The following MSRA variants were observed in gnomAD, a reference collection of about 807,000 sequenced individuals.
MSRA encodes the protein mitochondrial peptide methionine sulfoxide reductase.
A neutral mutation model predicts 31.3 loss-of-function variants in MSRA; 54 were observed. That is an observed-to-expected ratio of 1.73 (90% CI 1.39 to 2.17). The LOEUF (loss-of-function observed/expected upper bound fraction) is 2.17, where lower values mean the gene tolerates loss of function less well. Ranked by LOEUF, MSRA falls within the 30% of genes most tolerant of loss-of-function variation. The pLI is 0.00. For synonymous variants in MSRA, 169 were observed against 116.5 expected (o/e 1.45, Z -2.90); for missense variants, 507 against 300.9 (o/e 1.69, Z -5.07).
intron 1 of MSRA, among the ~76,000 whole-genome samples, chr8:10,114,351 G>A (rs577557021): frequency 1.3e-5 from 2 of 152,182 alleles, no homozygotes; most frequent in African/African-American, 2.4e-5. Context: ...GGGGCCAGAC[G>A]TAAGAGTGGA....
chr8:10,222,243 G>T (rs1810579437), intron 2 of MSRA, among the ~76,000 whole-genome samples: 1 of 152,064 alleles, frequency 6.6e-6, no homozygotes, highest in Non-Finnish European at 1.5e-5. Context: ...AAAAGCTTTA[G>T]GCCTTTATAG....
intron 5 of MSRA, among the ~76,000 whole-genome samples, chr8:10,374,410 C>T (rs1239979688): frequency 1.3e-5 from 2 of 152,112 alleles, no homozygotes; most frequent in African/African-American, 2.4e-5. Context: ...CCTAGCACAT[C>T]CTGCAGGCTA....
intron 5 of MSRA, among the ~76,000 whole-genome samples, chr8:10,344,600 A>AT (rs1177227593): frequency 1.4e-5 from 2 of 147,688 alleles, no homozygotes; most frequent in African/African-American, 4.9e-5. Context: ...AAAAAAAAAA[A>AT]AAAGCCAGCC....
At chr8:10,252,557 G>C (rs369018196) in intron 3 of MSRA, among the ~76,000 whole-genome samples, 1 of 152,130 alleles carries the variant, frequency 6.6e-6, no homozygotes, top group Non-Finnish European at 1.5e-5. Flanking sequence ...CAGGACTTAG[G>C]ACTAAGAAAG....
chr8:10,399,937 G>A (rs185651105), intron 5 of MSRA, among the ~76,000 whole-genome samples: 221 of 152,266 alleles, frequency 1.5e-3, no homozygotes, highest in African/African-American at 4.9e-3. Context: ...TGTTGGAGCC[G>A]CTTTGGAAGA....
chr8:10,385,338 G>A (rs1563419599), intron 5 of MSRA, among the ~76,000 whole-genome samples: 1 of 152,320 alleles, frequency 6.6e-6, no homozygotes, highest in South Asian at 2.1e-4. Flanking sequence ...ATTGGACAAC[G>A]CAGGGACAAA....
chr8:10,402,018 G>C (rs11785061), intron 5 of MSRA, among the ~76,000 whole-genome samples: 44,027 of 152,054 alleles, frequency 0.29, 7,199 homozygotes, highest in Non-Finnish European at 0.37. Context: ...GCATTTAATT[G>C]TATACTTACA....
At chr8:10,258,168 C>T (rs1798281597) in intron 3 of MSRA, among the ~76,000 whole-genome samples, 1 of 152,034 alleles carries the variant, frequency 6.6e-6, no homozygotes, top group African/African-American at 2.4e-5. Flanking sequence ...TTGTGTAAAC[C>T]CCCATAATTA....
intron 5 of MSRA, among the ~76,000 whole-genome samples, chr8:10,364,810 C>T (rs1373136499): frequency 2.6e-5 from 4 of 152,158 alleles, no homozygotes; most frequent in Non-Finnish European, 5.9e-5. Context: ...TACCACCCTC[C>T]GACTTTGTTT....
chr8:10,421,065 G>A (rs1362669483), intron 5 of MSRA, among the ~76,000 whole-genome samples: 1 of 152,070 alleles, frequency 6.6e-6, no homozygotes, highest in African/African-American at 2.4e-5. Flanking sequence ...TTTGAGTCCC[G>A]GGGATGTGAG....
intron 5 of MSRA, among the ~76,000 whole-genome samples, chr8:10,419,941 G>A (rs1808710991): frequency 6.6e-6 from 1 of 152,200 alleles, no homozygotes. Flanking sequence ...CTGTAGAGGA[G>A]CACAGGGTCA....
intron 5 of MSRA, among the ~76,000 whole-genome samples, chr8:10,347,891 G>T (rs1257260920): frequency 6.6e-6 from 1 of 152,164 alleles, no homozygotes; most frequent in African/African-American, 2.4e-5. Flanking sequence ...CTTGTCTCCA[G>T]TGGCAGTTAT....
At chr8:10,202,295 A>T (rs1563213224) in intron 1 of MSRA, among the ~76,000 whole-genome samples, 1 of 152,196 alleles carries the variant, frequency 6.6e-6, no homozygotes, top group Non-Finnish European at 1.5e-5. Flanking sequence ...GGTTTCTAGG[A>T]ATAGAGCTGG....
At chr8:10,226,647 A>G (rs1247585073) in intron 2 of MSRA, among the ~76,000 whole-genome samples, 4 of 152,232 alleles carry the variant, frequency 2.6e-5, no homozygotes, top group Non-Finnish European at 4.4e-5. Context: ...GAAAATTACT[A>G]AAGGATGCCT....
At chr8:10,278,882 G>C (rs1799467197) in intron 3 of MSRA, among the ~76,000 whole-genome samples, 1 of 152,186 alleles carries the variant, frequency 6.6e-6, no homozygotes, top group African/African-American at 2.4e-5. Flanking sequence ...GTCTTTCAAA[G>C]ATTTTTGGAG....
chr8:10,173,788 A>G (rs1274004795), intron 1 of MSRA, among the ~76,000 whole-genome samples: 1 of 152,154 alleles, frequency 6.6e-6, no homozygotes, highest in Non-Finnish European at 1.5e-5. Flanking sequence ...CTGTGTGCCT[A>G]GTCTGTCCCA....
chr8:10,335,096 C>A (rs987644292), intron 5 of MSRA, among the ~76,000 whole-genome samples: 1 of 152,214 alleles, frequency 6.6e-6, no homozygotes. Context: ...CAGGGACCGC[C>A]CCCCGCACCG....
At chr8:10,382,646 C>T (rs1220782549) in intron 5 of MSRA, among the ~76,000 whole-genome samples, 1 of 152,206 alleles carries the variant, frequency 6.6e-6, no homozygotes, top group Non-Finnish European at 1.5e-5. Context: ...CCACCAACTA[C>T]AGTTACTGAG....
chr8:10,379,543 G>C (rs1025765423), intron 5 of MSRA, among the ~76,000 whole-genome samples: 1 of 152,184 alleles, frequency 6.6e-6, no homozygotes, highest in Non-Finnish European at 1.5e-5. Context: ...CAGCAGGAAG[G>C]CCAGTCCTTC....
Sources: allele counts gnomAD v4.1 joint callset (sites outside exome capture counted in the v4.1 genomes callset), GRCh38; gene constraint gnomAD v4.1.1; transcripts MANE v1.5; gene names NCBI Gene and HGNC (gene_info 2026-07-23, HGNC 2026-07-21).